The following TMEM232 variants were observed in gnomAD, a reference collection of about 807,000 sequenced individuals.
The protein encoded by TMEM232 is transmembrane protein 232.
A neutral mutation model predicts 78.8 loss-of-function variants in TMEM232; 80 were observed. The ratio of observed to expected loss-of-function variants is 1.01; its 90% CI spans 0.85 to 1.22. The LOEUF (loss-of-function observed/expected upper bound fraction) is 1.22, where lower values mean the gene tolerates loss of function less well. Among genes scored for constraint, TMEM232 ranks in the 50% most tolerant of loss-of-function variants. The pLI is 0.00. For synonymous variants in TMEM232, 297 were observed against 254.3 expected (o/e 1.17, Z -1.60); for missense variants, 881 against 742.2 (o/e 1.19, Z -2.17).
chr5:110,491,522 C>A (rs943080829), intron 12 of TMEM232, among the ~76,000 whole-genome samples: 7 of 151,808 alleles, frequency 4.6e-5, no homozygotes, highest in African/African-American at 1.7e-4. Context: ...GAGAATATTT[C>A]CTAATGGTAA....
Position 110,481,544 on chromosome 5 carries a change from C to A in TMEM232, c.1703+47044G>T, listed in dbSNP as rs180819206. 2.8e-3 allele frequency among the ~76,000 whole-genome samples: 429 copies of A among 152,172 alleles called. 4 individuals carry two copies. Among genetic ancestry groups the A allele is most frequent in the Non-Finnish European group, 4.2e-3 (287 of 67,994 alleles). On this transcript the variant is annotated intron_variant, in intron 12 of 13. Transcript: ENST00000455884. ...CCCCTCCGCACACACACATAAACCA[C>A]AAATATCTAATATCAAAGCTGGAAA...
At chr5:110,411,876 A>C (rs912077597) in intron 2 of TMEM232, among the ~76,000 whole-genome samples, 1 of 152,210 alleles carries the variant, frequency 6.6e-6, no homozygotes, top group South Asian at 2.1e-4. Flanking sequence ...GATATTGTGA[A>C]TAATGCTGCT....
intron 1 of TMEM232, among the ~76,000 whole-genome samples, chr5:110,735,899 T>C (rs1204215789): frequency 6.6e-6 from 1 of 152,294 alleles, no homozygotes; most frequent in African/African-American, 2.4e-5. Flanking sequence ...TCAAACTCAG[T>C]CATGTCTAAA....
At chr5:110,605,582 TAGC>T (rs1471628831) in intron 9 of TMEM232, among the ~76,000 whole-genome samples, 1 of 152,152 alleles carries the variant, frequency 6.6e-6, no homozygotes, top group East Asian at 1.9e-4. Flanking sequence ...GCAATTTACT[TAGC>T]AGTCAATGGA....
chr5:110,519,823 C>G (rs1054182895), intron 12 of TMEM232, among the ~76,000 whole-genome samples: 2 of 150,556 alleles, frequency 1.3e-5, no homozygotes, highest in African/African-American at 4.9e-5. Flanking sequence ...TTTGCAACAA[C>G]ATGGAGGGAA....
At chr5:110,515,669 G>C (rs1286793580) in intron 12 of TMEM232, among the ~76,000 whole-genome samples, 3 of 152,142 alleles carry the variant, frequency 2.0e-5, no homozygotes, top group Admixed American at 2.0e-4. Flanking sequence ...CTCCAGTAAA[G>C]CCTATTCTTA....
chr5:110,571,677 T>G (rs1407162998), intron 10 of TMEM232, among the ~76,000 whole-genome samples: 1 of 148,996 alleles, frequency 6.7e-6, no homozygotes, highest in Non-Finnish European at 1.5e-5. Context: ...TTTTTTTGTT[T>G]GTTTGTTTTG....
chr5:110,626,029 G>A (rs1395330677), intron 6 of TMEM232, among the ~76,000 whole-genome samples: 1 of 151,870 alleles, frequency 6.6e-6, no homozygotes, highest in African/African-American at 2.4e-5. Flanking sequence ...AATTAATAAT[G>A]ACCATTCTAC....
intron 8 of TMEM232, among the ~76,000 whole-genome samples, chr5:110,611,423 G>T (rs1004686841): frequency 1.3e-5 from 2 of 152,032 alleles, no homozygotes; most frequent in African/African-American, 4.8e-5. Context: ...TGAGTTCCAG[G>T]GAAGCTGGTG....
intron 2 of TMEM232, among the ~76,000 whole-genome samples, chr5:110,411,877 T>G (rs1756007522): frequency 6.6e-6 from 1 of 152,206 alleles, no homozygotes; most frequent in Non-Finnish European, 1.5e-5. Flanking sequence ...ATATTGTGAA[T>G]AATGCTGCTA....
intron 3 of TMEM232, among the ~76,000 whole-genome samples, chr5:110,641,405 G>A (rs1306361588): frequency 1.3e-5 from 2 of 152,168 alleles, no homozygotes; most frequent in Middle Eastern, 6.8e-3. Context: ...GTTGATATAC[G>A]GAAGTTAATG....
intron 7 of TMEM232, among the ~76,000 whole-genome samples, chr5:110,619,440 G>A (rs1783358767): frequency 1.3e-5 from 2 of 152,120 alleles, no homozygotes; most frequent in Admixed American, 6.5e-5. Context: ...CCATAGTTGT[G>A]TATTTATCTA....
chr5:110,577,506 C>T (rs1223281192), intron 10 of TMEM232, among the ~76,000 whole-genome samples: 1 of 152,068 alleles, frequency 6.6e-6, no homozygotes, highest in Non-Finnish European at 1.5e-5. Flanking sequence ...TTCTACCCAG[C>T]AATCTCATTA....
chr5:110,608,724 G>A (rs539179991), intron 8 of TMEM232, among the ~76,000 whole-genome samples: 2 of 152,066 alleles, frequency 1.3e-5, no homozygotes, highest in East Asian at 1.9e-4. Context: ...GTCAAAAACA[G>A]AAACATCAAT....
intron 12 of TMEM232, among the ~76,000 whole-genome samples, chr5:110,508,673 A>T (rs1158580858): frequency 1.3e-5 from 2 of 150,342 alleles, no homozygotes; most frequent in African/African-American, 2.4e-5. Flanking sequence ...GAACATTTTC[A>T]TGTAAAGTTT....
chr5:110,577,732 G>T (rs776774510), intron 10 of TMEM232, among the ~76,000 whole-genome samples: 2 of 152,016 alleles, frequency 1.3e-5, no homozygotes, highest in Non-Finnish European at 2.9e-5. Flanking sequence ...GGACATGGGT[G>T]GAGCTTAAGG....
chr5:110,603,969 C>T (rs1363457535), intron 10 of TMEM232, among the ~76,000 whole-genome samples: 1 of 152,088 alleles, frequency 6.6e-6, no homozygotes, highest in Non-Finnish European at 1.5e-5. Flanking sequence ...TGGCTAAAGA[C>T]AATATCTTAC....
intron 12 of TMEM232, among the ~76,000 whole-genome samples, chr5:110,472,440 G>A (rs900055931): frequency 9.2e-5 from 14 of 151,900 alleles, no homozygotes; most frequent in Non-Finnish European, 1.6e-4. Flanking sequence ...TGCAGTGGAA[G>A]AATTAGTATT....
chr5:110,506,773 C>G (rs1285586194), intron 12 of TMEM232, among the ~76,000 whole-genome samples: 1 of 152,158 alleles, frequency 6.6e-6, no homozygotes, highest in African/African-American at 2.4e-5. Flanking sequence ...TTAGATGCAT[C>G]TCTGACTGTG....
Sources: allele counts gnomAD v4.1 joint callset (sites outside exome capture counted in the v4.1 genomes callset), GRCh38; gene constraint gnomAD v4.1.1; transcripts MANE v1.5; gene names NCBI Gene and HGNC (gene_info 2026-07-23, HGNC 2026-07-21).